DPP10: variants seen among roughly 807,000 people sequenced by gnomAD.
DPP10 encodes the protein dipeptidyl peptidase like 10, also known as inactive dipeptidyl peptidase 10.
A neutral mutation model predicts 120.9 loss-of-function variants in DPP10; 33 were observed. The ratio of observed to expected loss-of-function variants is 0.27; its 90% CI spans 0.21 to 0.37. The LOEUF is 0.37. Among genes scored for constraint, DPP10 ranks in the 10% least tolerant of loss-of-function variants. The pLI, the probability that DPP10 is intolerant of heterozygous loss-of-function variation, is 1.00. For missense variants in DPP10, 816 were observed against 942.8 expected (o/e 0.87, Z 1.76); for synonymous variants, 337 against 326.1 (o/e 1.03, Z -0.36).
chr2:115,595,475 A>T (rs2082930338), intron 5 of DPP10, among the ~76,000 whole-genome samples: 1 of 152,148 alleles, frequency 6.6e-6, no homozygotes, highest in East Asian at 1.9e-4. Context: ...ATAATTTTCT[A>T]TTAAAGAGCA....
chr2:114,922,217 T>G (rs1160151214), intron 1 of DPP10, among the ~76,000 whole-genome samples: 1 of 152,184 alleles, frequency 6.6e-6, no homozygotes, highest in African/African-American at 2.4e-5. Flanking sequence ...AACACTTTCA[T>G]TACCTGAAAA....
chr2:115,394,039 A>G (rs1408618489), intron 3 of DPP10, among the ~76,000 whole-genome samples: 2 of 152,220 alleles, frequency 1.3e-5, no homozygotes, highest in African/African-American at 2.4e-5. Context: ...AGATTGAATT[A>G]TGCAGTTTCA....
In DPP10 at chr2:115,382,201, A is replaced by T. The variant is rs1045636706; in HGVS notation, c.271+38289A>T. On this transcript the variant is annotated intron_variant, in intron 3 of 25. Transcript: ENST00000410059. ...TTGATCTCAGACTGCTGTGCTATCAATCAGCGAGACTCTGTGGGCATAGGA... is the reference window on the plus strand; with the variant it reads ...TTGATCTCAGACTGCTGTGCTATCATTCAGCGAGACTCTGTGGGCATAGGA... Among the ~76,000 whole-genome samples, 7 of 152,078 alleles carry T rather than the reference A, an allele frequency of 4.6e-5. No individual in the cohort carries two copies. The East Asian group carries it at 1.4e-3, about 29-fold the overall frequency.
At chr2:115,465,691 C>T (rs843433) in intron 3 of DPP10, among the ~76,000 whole-genome samples, 125,799 of 151,966 alleles carry the variant, frequency 0.83, 55,124 homozygotes, top group Non-Finnish European at 0.97. Flanking sequence ...GGGGTGGTGG[C>T]GCATATCTGT....
At chr2:114,816,865 A>G (rs1270985240) in intron 1 of DPP10, among the ~76,000 whole-genome samples, 2 of 152,198 alleles carry the variant, frequency 1.3e-5, no homozygotes, top group African/African-American at 4.8e-5. Flanking sequence ...CCTGCAAACT[A>G]TGAGCCTTCC....
At chr2:115,466,939 A>G (rs1013115125) in intron 3 of DPP10, among the ~76,000 whole-genome samples, 13 of 151,972 alleles carry the variant, frequency 8.6e-5, no homozygotes, top group Admixed American at 2.0e-4. Flanking sequence ...TCTACCATTC[A>G]TTTTCTTTGA....
At chr2:115,483,471 C>G (rs62164700) in intron 3 of DPP10, among the ~76,000 whole-genome samples, 1 of 16,840 alleles carries the variant, frequency 5.9e-5, no homozygotes, top group South Asian at 5.1e-3. Context: ...ATCTATCTAT[C>G]TATCTATCTG....
intron 1 of DPP10, among the ~76,000 whole-genome samples, chr2:114,991,991 A>C (rs563472640): frequency 6.6e-6 from 1 of 152,374 alleles, no homozygotes; most frequent in South Asian, 2.1e-4. Context: ...CAAGGACCAC[A>C]GTCATGAATT....
At chr2:115,315,916 A>G (rs755709980) in intron 2 of DPP10, among the ~76,000 whole-genome samples, 1 of 152,158 alleles carries the variant, frequency 6.6e-6, no homozygotes, top group Non-Finnish European at 1.5e-5. Flanking sequence ...CTCTGGCATT[A>G]ACGGAATAAA....
chr2:114,536,987 G>C (rs1027237374), intron 1 of DPP10, among the ~76,000 whole-genome samples: 4 of 152,138 alleles, frequency 2.6e-5, no homozygotes, highest in Non-Finnish European at 5.9e-5. Flanking sequence ...AAAGAGTTCT[G>C]GATGCTTGAA....
chr2:114,443,538 T>C (rs1677774923), intron 1 of DPP10, among the ~76,000 whole-genome samples: 1 of 152,168 alleles, frequency 6.6e-6, no homozygotes, highest in Admixed American at 6.5e-5. Flanking sequence ...CCATTCTCTT[T>C]GTTTTTATTC....
chr2:115,166,658 T>A (rs906368896), intron 1 of DPP10, among the ~76,000 whole-genome samples: 2 of 150,078 alleles, frequency 1.3e-5, no homozygotes, highest in Admixed American at 1.3e-4. Flanking sequence ...TATCTATATA[T>A]CTGTTTGATT....
At chr2:114,881,104 T>C (rs1426367080) in intron 1 of DPP10, among the ~76,000 whole-genome samples, 2 of 152,116 alleles carry the variant, frequency 1.3e-5, no homozygotes, top group Non-Finnish European at 2.9e-5. Context: ...GATGCATTCA[T>C]CTATACACAT....
At chr2:115,739,971 T>C in intron 9 of DPP10, 78 bp downstream of exon 9, 1 of 1,490,940 alleles carries the variant, frequency 6.7e-7, no homozygotes, top group Non-Finnish European at 9.2e-7. Context: ...TCTTGGTTCT[T>C]GAACAAGTTG....
chr2:115,079,746 C>A (rs1009475688), intron 1 of DPP10, among the ~76,000 whole-genome samples: 1 of 152,136 alleles, frequency 6.6e-6, no homozygotes, highest in Non-Finnish European at 1.5e-5. Context: ...AGGGTCAGTA[C>A]TAAATCGCAA....
intron 1 of DPP10, among the ~76,000 whole-genome samples, chr2:114,955,585 A>T (rs1698138202): frequency 6.6e-6 from 1 of 152,166 alleles, no homozygotes; most frequent in Admixed American, 6.5e-5. Context: ...CCATTTTCAA[A>T]CTAATTTTAC....
chr2:115,058,078 A>T (rs1020148572), intron 1 of DPP10, among the ~76,000 whole-genome samples: 1 of 152,070 alleles, frequency 6.6e-6, no homozygotes, highest in African/African-American at 2.4e-5. Flanking sequence ...GGCTTAGGAG[A>T]TTTCCCATAT....
At chr2:115,766,310 G>GTGTGTATATATATA (rs1371625141) in intron 12 of DPP10, among the ~76,000 whole-genome samples, 1 of 81,738 alleles carries the variant, frequency 1.2e-5, no homozygotes, top group African/African-American at 4.3e-5. Flanking sequence ...GTGTGTGTGT[G>GTGTGTATATATATA]TATATATATA....
intron 1 of DPP10, among the ~76,000 whole-genome samples, chr2:115,186,921 C>G (rs1367061501): frequency 2.0e-5 from 3 of 150,856 alleles, no homozygotes; most frequent in African/African-American, 4.9e-5. Context: ...GGTACAGCCT[C>G]TAGCCAGAGG....
Sources: gnomAD v4.1 joint callset for allele counts (sites outside exome capture counted in the v4.1 genomes callset) on GRCh38, gnomAD v4.1.1 for gene constraint, MANE v1.5 for transcripts, NCBI Gene and HGNC (gene_info 2026-07-23, HGNC 2026-07-21) for gene names.